Variants in MAPRE2 observed in about 807,000 individuals in gnomAD.
MAPRE2 encodes the protein microtubule associated protein RP/EB family member 2.
MAPRE2 carries 13 observed loss-of-function variants against 43.2 expected under a neutral mutation model. The observed-to-expected ratio is 0.30, with a 90% CI of 0.20 to 0.48. The LOEUF is 0.48. Ranked by LOEUF, MAPRE2 falls within the 20% of genes least tolerant of loss-of-function variation. MAPRE2 has a pLI of 0.99. For synonymous variants in MAPRE2, 135 were observed against 148.8 expected, an observed-to-expected ratio of 0.91 and a Z score of 0.68; for missense variants, 161 against 400.2, an observed-to-expected ratio of 0.40 and a Z score of 5.10.
intron 2 of MAPRE2, among the ~76,000 whole-genome samples, chr18:35,031,733 A>G (rs2150592493): frequency 6.6e-6 from 1 of 152,346 alleles, no homozygotes; most frequent in Middle Eastern, 3.4e-3. Flanking sequence ...GCTAGCAAGT[A>G]TGAGACTTAA....
intron 2 of MAPRE2, among the ~76,000 whole-genome samples, chr18:35,024,113 G>T (rs2097043650): frequency 6.6e-6 from 1 of 152,216 alleles, no homozygotes; most frequent in South Asian, 2.1e-4. Context: ...GGCTAACAGT[G>T]TATGCTGGCT....
At chr18:34,977,719 G>C (rs1169011531) in intron 1 of MAPRE2, among the ~76,000 whole-genome samples, 2 of 152,228 alleles carry the variant, frequency 1.3e-5, no homozygotes, top group Non-Finnish European at 2.9e-5. Flanking sequence ...AAGGAAGCGG[G>C]TTGTTATTCT....
intron 1 of MAPRE2, among the ~76,000 whole-genome samples, chr18:35,043,548 C>T (rs1443816326): frequency 1.3e-5 from 2 of 152,122 alleles, no homozygotes; most frequent in African/African-American, 4.8e-5. Flanking sequence ...CTATTATTTG[C>T]GTTTCCTAAA....
At chr18:35,105,290 C>T (rs184888853) in intron 4 of MAPRE2, among the ~76,000 whole-genome samples, 1 of 152,164 alleles carries the variant, frequency 6.6e-6, no homozygotes, top group East Asian at 1.9e-4. Context: ...GACCATGTTC[C>T]TGATACCTTG....
chr18:35,055,537 C>CTGTGTG (rs34194364), intron 1 of MAPRE2, among the ~76,000 whole-genome samples: 2,059 of 146,640 alleles, frequency 0.014, 28 homozygotes, highest in African/African-American at 0.028. Context: ...ATTCAGTTCT[C>CTGTGTG]TGTGTGTGTG....
intron 2 of MAPRE2, among the ~76,000 whole-genome samples, chr18:35,032,406 G>A (rs532586403): frequency 1.3e-5 from 2 of 152,244 alleles, no homozygotes; most frequent in Admixed American, 1.3e-4. Context: ...TTCATTCCTG[G>A]CTAGGGAATT....
chr18:35,075,816 C>T (rs1907323323), intron 2 of MAPRE2, among the ~76,000 whole-genome samples: 1 of 151,940 alleles, frequency 6.6e-6, no homozygotes, highest in East Asian at 1.9e-4. Flanking sequence ...TTGCTTCAGG[C>T]AGTAATATAT....
chr18:34,992,009 T>A (rs1013434723), intron 1 of MAPRE2, among the ~76,000 whole-genome samples: 2 of 152,170 alleles, frequency 1.3e-5, no homozygotes, highest in African/African-American at 4.8e-5. Context: ...TCGTTTTTTA[T>A]GTTTTGGGTT....
chr18:35,066,240 T>C (rs2150619724), intron 1 of MAPRE2, among the ~76,000 whole-genome samples: 1 of 152,352 alleles, frequency 6.6e-6, no homozygotes, highest in Non-Finnish European at 1.5e-5. Flanking sequence ...CCCTAAGGAC[T>C]AGCAGTCGTG....
intron 5 of MAPRE2, 165 bp downstream of exon 5, chr18:35,127,252 C>T: frequency 3.1e-6 from 2 of 648,226 alleles, no homozygotes; most frequent in Middle Eastern, 4.3e-4. Context: ...AATCAGTAGC[C>T]CATGATGAAT....
chr18:34,984,959 ATAAAATATATAATATATAAAATATATT>A (rs2097018518), intron 1 of MAPRE2, among the ~76,000 whole-genome samples: 1 of 6,232 alleles, frequency 1.6e-4, no homozygotes, highest in African/African-American at 3.2e-4. Context: ...TATATTATAT[ATAAAATATATAATATATAAAATATATT>A]ATATATAAAA....
rs559633607 is a variant in MAPRE2, at chr18:34,980,824, A to G, written c.-70+3745A>G. 1.6e-4 allele frequency among the ~76,000 whole-genome samples: 25 copies of G among 152,316 alleles called. No homozygotes were observed. The South Asian group carries it at 5.2e-3, about 32-fold the overall frequency. On this transcript the variant is annotated intron_variant, in intron 1 of 7. Transcript: ENST00000413393. ...AAACCACATATGAATTTATTGAGCT[A>G]GGAGAAACATTGTAGAATAGATTAA...
intron 6 of MAPRE2, among the ~76,000 whole-genome samples, chr18:35,133,165 A>G (rs1910239139): frequency 6.6e-6 from 1 of 152,174 alleles, no homozygotes; most frequent in South Asian, 2.1e-4. Context: ...ATCCCAGGCA[A>G]ATGTTTACTC....
intron 2 of MAPRE2, among the ~76,000 whole-genome samples, chr18:35,026,746 T>C (rs1018532993): frequency 8.5e-5 from 13 of 152,180 alleles, no homozygotes; most frequent in African/African-American, 2.9e-4. Flanking sequence ...TGTGTGGCTT[T>C]GGCATCCCTC....
chr18:35,093,680 C>A (rs1204430808), intron 2 of MAPRE2, among the ~76,000 whole-genome samples: 1 of 151,662 alleles, frequency 6.6e-6, no homozygotes. Context: ...AAGACAAATA[C>A]TGCATGATCT....
At chr18:35,030,534 A>G (rs578004531) in intron 2 of MAPRE2, among the ~76,000 whole-genome samples, 1 of 145,002 alleles carries the variant, frequency 6.9e-6, no homozygotes, top group South Asian at 2.2e-4. Flanking sequence ...ACCTCCTGTG[A>G]CAATTGGGAC....
intron 1 of MAPRE2, among the ~76,000 whole-genome samples, chr18:35,001,406 C>T (rs1018836230): frequency 1.3e-4 from 20 of 151,672 alleles, no homozygotes; most frequent in East Asian, 3.9e-4. Context: ...CCCAGCTACG[C>T]GGGAGGTTGA....
chr18:35,139,289 C>G (rs1201122965), intron 6 of MAPRE2, among the ~76,000 whole-genome samples: 1 of 152,222 alleles, frequency 6.6e-6, no homozygotes, highest in African/African-American at 2.4e-5. Flanking sequence ...TGTCCCAGCA[C>G]ATGCTCCAGA....
chr18:35,047,632 C>T (rs958176104), intron 1 of MAPRE2, among the ~76,000 whole-genome samples: 2 of 150,230 alleles, frequency 1.3e-5, no homozygotes, highest in Non-Finnish European at 3.0e-5. Flanking sequence ...TGATCATTTA[C>T]TTTAATGAAA....
Sources: allele counts gnomAD v4.1 joint callset (sites outside exome capture counted in the v4.1 genomes callset), GRCh38; gene constraint gnomAD v4.1.1; transcripts MANE v1.5; gene names NCBI Gene and HGNC (gene_info 2026-07-23, HGNC 2026-07-21).